Variants in NALCN observed in about 807,000 individuals in gnomAD.
NALCN encodes the protein sodium leak channel, non-selective.
A neutral mutation model predicts 225.3 loss-of-function variants in NALCN; 111 were observed. The ratio of observed to expected loss-of-function variants is 0.49; its 90% CI spans 0.42 to 0.58. The LOEUF is 0.58. NALCN is among the 20% of genes least tolerant of loss of function. The probability of loss-of-function intolerance (pLI) is 0.00; values close to 1 mark genes in which losing one functional copy is unlikely to be tolerated. For missense variants in NALCN, 1,378 were observed against 2,202.4 expected, an observed-to-expected ratio of 0.63 and a Z score of 7.49; for synonymous variants, 764 against 769.0, an observed-to-expected ratio of 0.99 and a Z score of 0.11.
At chr13:101,072,743 T>C (rs967109449) in intron 37 of NALCN, among the ~76,000 whole-genome samples, 1 of 152,182 alleles carries the variant, frequency 6.6e-6, no homozygotes, top group African/African-American at 2.4e-5. Flanking sequence ...CAGTCCAATA[T>C]GGTGACCACT....
Position 101,358,033 on chromosome 13 carries a change from G to A in NALCN, c.645-12613C>T, listed in dbSNP as rs192756599. 3.3e-5 allele frequency among the ~76,000 whole-genome samples: 5 copies of A among 152,070 alleles called. No individual in the cohort carries two copies. In the East Asian group the frequency reaches 7.7e-4, roughly 24 times the overall value. Reference sequence around the variant, plus strand: ...TTATACCTTAGACAAAAATTAAATCGAGATGGATTAAAGACTTAAATGTTA... The same window carrying A: ...TTATACCTTAGACAAAAATTAAATCAAGATGGATTAAAGACTTAAATGTTA... On this transcript the variant is annotated intron_variant, in intron 6 of 43. Coordinates refer to ENST00000251127, the MANE Select transcript of NALCN (RefSeq NM_052867.4).
intron 30 of NALCN, among the ~76,000 whole-genome samples, chr13:101,088,901 CT>C (rs1413413301): frequency 4.1e-4 from 35 of 85,112 alleles, no homozygotes; most frequent in African/African-American, 8.0e-4. Context: ...ATCTTTTTTT[CT>C]TTTTTTTCTT....
intron 17 of NALCN, among the ~76,000 whole-genome samples, chr13:101,128,389 T>G (rs1209137214): frequency 1.3e-5 from 2 of 152,208 alleles, no homozygotes; most frequent in African/African-American, 4.8e-5. Context: ...TCAACTCAAT[T>G]CCCATAGAGT....
intron 9 of NALCN, among the ~76,000 whole-genome samples, 171 bp downstream of exon 9, chr13:101,291,819 G>A (rs556688839): frequency 1.3e-5 from 2 of 152,190 alleles, no homozygotes; most frequent in African/African-American, 4.8e-5. Flanking sequence ...CAAAGTGCTG[G>A]AATTACAAGC....
At chr13:101,194,580 A>G (rs2039814425) in intron 13 of NALCN, among the ~76,000 whole-genome samples, 1 of 152,176 alleles carries the variant, frequency 6.6e-6, no homozygotes, top group Non-Finnish European at 1.5e-5. Context: ...TATTTATTCA[A>G]ACAAGGATTA....
intron 15 of NALCN, among the ~76,000 whole-genome samples, chr13:101,159,876 G>T (rs1285784099): frequency 1.3e-5 from 2 of 152,110 alleles, no homozygotes; most frequent in African/African-American, 4.8e-5. Context: ...TGAAAGAGAG[G>T]GAAGACATTT....
Position 101,307,918 on chromosome 13 carries a change from G to A in NALCN, c.800-15552C>T, listed in dbSNP as rs115009685. On this transcript the variant is annotated intron_variant, in intron 7 of 43. Coordinates refer to ENST00000251127, the MANE Select transcript of NALCN (RefSeq NM_052867.4). Reference sequence around the variant, plus strand: ...TTAATTATTTTCACTAATCTGTTAGGTAAATCAGAACAATATAAAATTTAG... The same window carrying A: ...TTAATTATTTTCACTAATCTGTTAGATAAATCAGAACAATATAAAATTTAG... Among the ~76,000 whole-genome samples, 614 of 152,244 alleles carry A rather than the reference G, an allele frequency of 4.0e-3. 4 individuals carry two copies. Among genetic ancestry groups the A allele is most frequent in the African/African-American group, 0.014 (572 of 41,556 alleles).
intron 18 of NALCN, among the ~76,000 whole-genome samples, chr13:101,117,423 TTAC>T (rs2035771444): frequency 6.6e-6 from 1 of 152,206 alleles, no homozygotes; most frequent in African/African-American, 2.4e-5. Context: ...GCTGAACTTT[TTAC>T]TACAATAAAA....
chr13:101,324,399 A>T (rs1025013976), intron 7 of NALCN, among the ~76,000 whole-genome samples: 7 of 152,244 alleles, frequency 4.6e-5, no homozygotes, highest in Admixed American at 2.6e-4. Context: ...AGATTACACA[A>T]TAAATATATT....
At chr13:101,298,818 C>T (rs1173300675) in intron 7 of NALCN, among the ~76,000 whole-genome samples, 1 of 152,198 alleles carries the variant, frequency 6.6e-6, no homozygotes, top group African/African-American at 2.4e-5. Context: ...CCCTGCAACC[C>T]CCAACCAAAA....
intron 6 of NALCN, among the ~76,000 whole-genome samples, chr13:101,358,916 C>G (rs111887096): frequency 6.6e-6 from 1 of 151,708 alleles, no homozygotes; most frequent in African/African-American, 2.4e-5. Flanking sequence ...AAGCTGGAAG[C>G]CATCACCTTC....
At chr13:101,194,620 G>A (rs1209578045) in intron 13 of NALCN, among the ~76,000 whole-genome samples, 1 of 152,154 alleles carries the variant, frequency 6.6e-6, no homozygotes, top group Non-Finnish European at 1.5e-5. Context: ...TGATGCATTG[G>A]GGATTGAGTG....
At chr13:101,408,405 A>G (rs1186279634) in intron 1 of NALCN, among the ~76,000 whole-genome samples, 1 of 152,122 alleles carries the variant, frequency 6.6e-6, no homozygotes, top group Non-Finnish European at 1.5e-5. Flanking sequence ...CAGCAGCTCT[A>G]TGTTTTCTCT....
chr13:101,412,492 T>C (rs989484559), intron 1 of NALCN, among the ~76,000 whole-genome samples: 1 of 152,206 alleles, frequency 6.6e-6, no homozygotes, highest in African/African-American at 2.4e-5. Context: ...GGTCAGTCCC[T>C]GTCTTCAGAA....
At chr13:101,276,250 A>G (rs1263809749) in intron 10 of NALCN, among the ~76,000 whole-genome samples, 1 of 152,084 alleles carries the variant, frequency 6.6e-6, no homozygotes. Flanking sequence ...GGATAAATTT[A>G]TTAGGAATTG....
rs1412662491 is a variant in NALCN, at chr13:101,130,256, A to G, written c.2119-5575T>C. Among the ~76,000 whole-genome samples, 4 of 152,306 alleles carry G rather than the reference A, an allele frequency of 2.6e-5. No individual in the cohort carries two copies. In the South Asian group the frequency reaches 6.2e-4, roughly 24 times the overall value. On this transcript the variant is annotated intron_variant, in intron 17 of 43. Coordinates refer to ENST00000251127, the MANE Select transcript of NALCN (RefSeq NM_052867.4). ...AGTTTTATTTCACATTTCATAGACA[A>G]TAGTCTCAGAATGAAAATACACAAC...
intron 15 of NALCN, among the ~76,000 whole-genome samples, chr13:101,152,784 T>G (rs1047352069): frequency 6.6e-6 from 1 of 152,174 alleles, no homozygotes; most frequent in African/African-American, 2.4e-5. Context: ...TATCTGTCCT[T>G]TGTTACTCCA....
chr13:101,268,271 T>C (rs2042661640), intron 10 of NALCN, among the ~76,000 whole-genome samples: 1 of 152,152 alleles, frequency 6.6e-6, no homozygotes, highest in African/African-American at 2.4e-5. Context: ...CACCTTCATG[T>C]TTACTGATGT....
intron 13 of NALCN, among the ~76,000 whole-genome samples, chr13:101,202,995 G>A (rs2040183384): frequency 6.6e-6 from 1 of 152,108 alleles, no homozygotes; most frequent in East Asian, 1.9e-4. Context: ...AACGGCTTTG[G>A]GAAAAACATT....
Sources: gnomAD v4.1 joint callset for allele counts (sites outside exome capture counted in the v4.1 genomes callset) on GRCh38, gnomAD v4.1.1 for gene constraint, MANE v1.5 for transcripts, NCBI Gene and HGNC (gene_info 2026-07-23, HGNC 2026-07-21) for gene names.